Variants in TBL1XR1 observed in about 807,000 individuals in gnomAD.
TBL1XR1 encodes the protein TBL1X/Y related 1.
Under a neutral mutation model 66.9 loss-of-function variants are expected in TBL1XR1, and 5 were observed. The observed-to-expected ratio is 0.07, with a 90% confidence interval of 0.04 to 0.16. The LOEUF (loss-of-function observed/expected upper bound fraction) is 0.16. TBL1XR1 is among the 10% of genes least tolerant of loss of function. TBL1XR1 has a pLI of 1.00. For synonymous variants in TBL1XR1, 210 were observed against 206.0 expected (o/e 1.02, Z -0.17); for missense variants, 238 against 623.2 (o/e 0.38, Z 6.58).
chr3:177,171,715 A>AAAG (rs1553863708), intron 1 of TBL1XR1, among the ~76,000 whole-genome samples: 2 of 148,784 alleles, frequency 1.3e-5, no homozygotes, highest in African/African-American at 5.0e-5. Flanking sequence ...AAAAAAAAAA[A>AAAG]AAAAAAAAAA....
chr3:177,136,776 C>T (rs1471653376), intron 1 of TBL1XR1, among the ~76,000 whole-genome samples: 1 of 151,094 alleles, frequency 6.6e-6, no homozygotes, highest in Non-Finnish European at 1.5e-5. Flanking sequence ...CATAATACGG[C>T]GAAGAAGAAA....
chr3:177,190,086 A>G (rs1735947143), intron 1 of TBL1XR1, among the ~76,000 whole-genome samples: 1 of 136,662 alleles, frequency 7.3e-6, no homozygotes, highest in South Asian at 2.5e-4. Context: ...TGAGCCAAGC[A>G]TGTGCCATTG....
At chr3:177,180,898 T>G (rs944035841) in intron 1 of TBL1XR1, among the ~76,000 whole-genome samples, 1 of 151,870 alleles carries the variant, frequency 6.6e-6, no homozygotes, top group South Asian at 2.1e-4. Flanking sequence ...GCCCTGCTAG[T>G]TTTTTGTATT....
chr3:177,154,441 G>A (rs1363620626), intron 1 of TBL1XR1, among the ~76,000 whole-genome samples: 2 of 151,656 alleles, frequency 1.3e-5, no homozygotes, highest in African/African-American at 4.8e-5. Flanking sequence ...TTGTTGCCCA[G>A]ACTGGAGTAC....
intron 1 of TBL1XR1, among the ~76,000 whole-genome samples, chr3:177,099,768 TG>T (rs1292488741): frequency 6.6e-6 from 1 of 152,264 alleles, no homozygotes; most frequent in African/African-American, 2.4e-5. Context: ...CAAGGTCATT[TG>T]TTATGAATGT....
At chr3:177,153,646 G>C (rs1387392600) in intron 1 of TBL1XR1, among the ~76,000 whole-genome samples, 1 of 152,148 alleles carries the variant, frequency 6.6e-6, no homozygotes, top group Non-Finnish European at 1.5e-5. Flanking sequence ...CCAGCACTTT[G>C]GGAGGCCGGG....
intron 2 of TBL1XR1, among the ~76,000 whole-genome samples, chr3:177,077,837 T>C (rs967833970): frequency 6.6e-6 from 1 of 152,248 alleles, no homozygotes; most frequent in African/African-American, 2.4e-5. Context: ...AAGTGCAGTT[T>C]TATTGCTCTT....
At chr3:177,161,829 T>A (rs940311656) in intron 1 of TBL1XR1, among the ~76,000 whole-genome samples, 1 of 150,864 alleles carries the variant, frequency 6.6e-6, no homozygotes, top group Non-Finnish European at 1.5e-5. Flanking sequence ...TTAAGAATCA[T>A]ATATCAACAA....
At chr3:177,076,632 A>G (rs1720739369) in intron 2 of TBL1XR1, among the ~76,000 whole-genome samples, 1 of 152,112 alleles carries the variant, frequency 6.6e-6, no homozygotes, top group Non-Finnish European at 1.5e-5. Flanking sequence ...ATGCTGTAGA[A>G]GACAGGTACA....
chr3:177,185,988 G>A (rs558383372), intron 1 of TBL1XR1, among the ~76,000 whole-genome samples: 43 of 152,242 alleles, frequency 2.8e-4, no homozygotes, highest in African/African-American at 9.4e-4. Flanking sequence ...TCCAGCCCAG[G>A]TGACAGAGCA....
At chr3:177,029,923 T>G (rs930452803) in intron 14 of TBL1XR1, among the ~76,000 whole-genome samples, 1 of 152,178 alleles carries the variant, frequency 6.6e-6, no homozygotes, top group Non-Finnish European at 1.5e-5. Context: ...TCCATGTAAT[T>G]GGAAAAATGT....
intron 1 of TBL1XR1, among the ~76,000 whole-genome samples, chr3:177,121,220 T>C (rs1726936720): frequency 6.6e-6 from 1 of 152,198 alleles, no homozygotes; most frequent in African/African-American, 2.4e-5. Context: ...TTTAAAACTA[T>C]CGATGTCATA....
intron 1 of TBL1XR1, among the ~76,000 whole-genome samples, chr3:177,107,996 C>T (rs913796495): frequency 1.3e-5 from 2 of 149,906 alleles, no homozygotes; most frequent in Admixed American, 6.7e-5. Flanking sequence ...AATGAATGGG[C>T]ATTACTCTTT....
intron 1 of TBL1XR1, among the ~76,000 whole-genome samples, chr3:177,178,318 TA>T (rs1734397855): frequency 6.6e-6 from 1 of 152,202 alleles, no homozygotes; most frequent in Non-Finnish European, 1.5e-5. Flanking sequence ...ACTGGGCATC[TA>T]ATATAGTACC....
intron 2 of TBL1XR1, among the ~76,000 whole-genome samples, chr3:177,069,258 AG>A (rs1719565994): frequency 6.6e-6 from 1 of 152,210 alleles, no homozygotes; most frequent in South Asian, 2.1e-4. Flanking sequence ...GCATTTTTAT[AG>A]GCCTAAAAAA....
At chr3:177,037,065 T>C (rs1714894860) in intron 12 of TBL1XR1, among the ~76,000 whole-genome samples, 1 of 152,176 alleles carries the variant, frequency 6.6e-6, no homozygotes, top group African/African-American at 2.4e-5. Context: ...GAGATCCATG[T>C]TGAGATGTGG....
chr3:177,127,544 G>A (rs1161469988), intron 1 of TBL1XR1, among the ~76,000 whole-genome samples: 1 of 152,168 alleles, frequency 6.6e-6, no homozygotes, highest in Non-Finnish European at 1.5e-5. Context: ...TCTTCACACA[G>A]CTCATTAGAC....
At chr3:177,112,107 A>ATATATATATATATTTTTTTTTTTTTTT in intron 1 of TBL1XR1, among the ~76,000 whole-genome samples, 1 of 37,652 alleles carries the variant, frequency 2.7e-5, no homozygotes, top group Non-Finnish European at 4.5e-5. Flanking sequence ...ATATATATAT[A>ATATATATATATATTTTTTTTTTTTTTT]TTTTTTTTTT....
rs1737011327 is a variant in TBL1XR1 at position 177,197,440 on chromosome 3, CA to C, written c.-442del. Reference sequence around the variant, plus strand: ...GCGCGAGCGGGGAGAGGAATTGAGGCAGAAGGTAAAAGCTGTTACTAAGGGA... The same window carrying C: ...GCGCGAGCGGGGAGAGGAATTGAGGCGAAGGTAAAAGCTGTTACTAAGGGA... On this transcript the variant is annotated 5_prime_UTR_variant, in exon 1 of 16. Coordinates refer to ENST00000457928, the MANE Select transcript of TBL1XR1 (RefSeq NM_024665.7). 1 of 146,376 alleles carries C rather than the reference CA, an allele frequency of 6.8e-6. No homozygotes were observed. Among genetic ancestry groups the C allele is most frequent in the African/African-American group, 2.5e-5 (1 of 40,270 alleles). The allele number at this position is 146,376 out of a possible 1,614,324, so 9.1% of individuals were successfully genotyped here.
Sources: gnomAD v4.1 joint callset for allele counts (sites outside exome capture counted in the v4.1 genomes callset) on GRCh38, gnomAD v4.1.1 for gene constraint, MANE v1.5 for transcripts, NCBI Gene and HGNC (gene_info 2026-07-23, HGNC 2026-07-21) for gene names.